ACAN: variants seen among roughly 807,000 people sequenced by gnomAD.
ACAN encodes aggrecan core protein.
A neutral mutation model predicts 169.1 loss-of-function variants in ACAN; 47 were observed. That is an observed-to-expected ratio of 0.28 (90% CI 0.22 to 0.35). The LOEUF is 0.35. ACAN is among the 10% of genes least tolerant of loss of function. The pLI, the probability that ACAN is intolerant of heterozygous loss-of-function variation, is 1.00. For missense variants in ACAN, 2,716 were observed against 2,759.9 expected (o/e 0.98, Z 0.36); for synonymous variants, 1,115 against 1,112.2 (o/e 1.00, Z -0.05).
At chr15:88,842,002 T>C (rs1449635844) in intron 5 of ACAN, 135 bp downstream of exon 5, 1 of 1,227,224 alleles carries the variant, frequency 8.1e-7, no homozygotes, top group Non-Finnish European at 1.1e-6. Flanking sequence ...TCCTCTGCCA[T>C]GAAGGGAGGT....
In ACAN at chr15:88,812,371, A is replaced by C. The variant is rs536488197; in HGVS notation, c.-8+8562A>C. Reference sequence around the variant, plus strand: ...ATGCACACAGCAATTGATCAAGGTTATTTGCATATTTCCTCTCAGCCCCCT... The same window carrying C: ...ATGCACACAGCAATTGATCAAGGTTCTTTGCATATTTCCTCTCAGCCCCCT... On this transcript the variant is annotated intron_variant, in intron 1 of 18. Coordinates refer to ENST00000560601, the MANE Select transcript of ACAN (RefSeq NM_001369268.1). Among the ~76,000 whole-genome samples the C allele has an allele frequency of 2.7e-4, 41 of 152,012 alleles. No individual in the cohort carries two copies. The South Asian group carries it at 8.3e-3, about 31-fold the overall frequency.
intron 1 of ACAN, among the ~76,000 whole-genome samples, chr15:88,826,528 T>G (rs1343661917): frequency 1.3e-5 from 2 of 151,906 alleles, no homozygotes; most frequent in East Asian, 3.9e-4. Context: ...CCCTGCCCTG[T>G]GGATGGAAGG....
At chr15:88,841,037 C>T (rs372248571) in intron 4 of ACAN, among the ~76,000 whole-genome samples, 2 of 152,236 alleles carry the variant, frequency 1.3e-5, no homozygotes, top group East Asian at 1.9e-4. Context: ...CCCAGCTACT[C>T]GGGAGGCTGA....
In ACAN at chr15:88,839,570, G is replaced by T. The variant is rs1288468165; in HGVS notation, c.455-442G>T. Among the ~76,000 whole-genome samples the T allele has an allele frequency of 6.6e-6, 1 of 152,222 alleles. No homozygotes were observed. Among genetic ancestry groups the T allele is most frequent in the Admixed American group, 6.5e-5 (1 of 15,286 alleles). ...GGTCAACACCAGATTTTTCCCAGGG[G>T]GAGGTACAGTGGGAGACTCTGTCAA... On this transcript the variant is annotated intron_variant, in intron 3 of 18. Transcript: ENST00000560601. This position sits in a 1 kb window ranked among gnomAD's most constrained non-coding sequence, Gnocchi z 4.5.
At chr15:88,822,504 T>C (rs1212787301) in intron 1 of ACAN, among the ~76,000 whole-genome samples, 1 of 151,998 alleles carries the variant, frequency 6.6e-6, no homozygotes, top group African/African-American at 2.4e-5. Context: ...TTCGCTCTTG[T>C]TGCCCAGGCT....
chr15:88,828,569 A>G (rs999850966), intron 1 of ACAN, among the ~76,000 whole-genome samples: 1 of 152,160 alleles, frequency 6.6e-6, no homozygotes, highest in Admixed American at 6.5e-5. Flanking sequence ...ACCTTCCCAG[A>G]GAATGTGCTC....
At position 88,860,392 on chromosome 15, in the gene ACAN, T is replaced by TCA; in HGVS notation, c.6900_6901dup (p.Ile2301ThrfsTer16). 2 of 1,613,648 alleles carry TCA rather than the reference T, an allele frequency of 1.2e-6. No individual in the cohort carries two copies. The highest frequency in any genetic ancestry group is 1.7e-6 in the Non-Finnish European group (2 of 1,179,814). On this transcript the variant is annotated frameshift_variant, in exon 13 of 19. Coordinates refer to ENST00000560601, the MANE Select transcript of ACAN (RefSeq NM_001369268.1). LOFTEE classifies it high-confidence loss of function. ...ACCTGCAAGGAGACAGAGGGACACG[T>TCA]CATATGCCTGTGCCCCCCTGGCTAC... is the stretch of plus-strand genomic sequence containing the variant.
intron 1 of ACAN, among the ~76,000 whole-genome samples, chr15:88,835,569 C>T (rs897785972): frequency 1.3e-5 from 2 of 152,130 alleles, no homozygotes; most frequent in Non-Finnish European, 2.9e-5. Context: ...AGGCTTGAGA[C>T]CTAAATGAAA....
chr15:88,811,900 TG>T, intron 1 of ACAN, among the ~76,000 whole-genome samples: 1 of 152,130 alleles, frequency 6.6e-6, no homozygotes, highest in Admixed American at 6.5e-5. Flanking sequence ...CCCAGCCAGG[TG>T]CTTTGTTCTC....
rs1292638907 is a variant in ACAN, at chr15:88,868,734, T to A, written c.7060+405T>A. Among the ~76,000 whole-genome samples the A allele has an allele frequency of 6.6e-6, 1 of 152,188 alleles. No homozygotes were observed. The highest frequency in any genetic ancestry group is 1.5e-5 in the Non-Finnish European group (1 of 68,044). On this transcript the variant is annotated intron_variant, in intron 14 of 18. Coordinates refer to ENST00000560601, the MANE Select transcript of ACAN (RefSeq NM_001369268.1). This position sits in a 1 kb window ranked among gnomAD's most constrained non-coding sequence, Gnocchi z 5.2. ...AGTGTGGTCATGGGCATGGGACCTT[T>A]GTGGTTCCTTCATGGCCCTGGGAGC...
intron 1 of ACAN, among the ~76,000 whole-genome samples, chr15:88,812,623 T>C (rs1895848677): frequency 6.6e-6 from 1 of 152,194 alleles, no homozygotes; most frequent in South Asian, 2.1e-4. Flanking sequence ...GGGCTTTGCA[T>C]GGCTGGTTCA....
chr15:88,830,326 C>A (rs74028469), intron 1 of ACAN, among the ~76,000 whole-genome samples: 2,383 of 152,292 alleles, frequency 0.016, 58 homozygotes, highest in African/African-American at 0.052. Flanking sequence ...TATAGTCATG[C>A]AACATTTAAC....
chr15:88,812,142 C>G lies in ACAN; in HGVS notation c.-8+8333C>G, dbSNP rs574575600. Among the ~76,000 whole-genome samples, 9 of 152,294 alleles carry G rather than the reference C, an allele frequency of 5.9e-5. No homozygotes were observed. The South Asian group carries it at 1.9e-3, about 32-fold the overall frequency. ...AGCCCTCGGGTTAGCGCCTCGGCCT[C>G]CTGCAGCCCCATCTAGGCCCTCCCC... On this transcript the variant is annotated intron_variant, in intron 1 of 18. Transcript: ENST00000560601.
At chr15:88,860,180 G>A (rs1897165383) in intron 12 of ACAN, 146 bp from the exon 13 acceptor site, 1 of 514,848 alleles carries the variant, frequency 1.9e-6, no homozygotes, top group Non-Finnish European at 3.4e-6. Context: ...CAGGTGCCCA[G>A]GAGGGACAGA....
intron 1 of ACAN, among the ~76,000 whole-genome samples, chr15:88,812,301 C>A (rs569306117): frequency 1.3e-5 from 2 of 152,266 alleles, no homozygotes; most frequent in East Asian, 1.9e-4. Flanking sequence ...ACTCCCACCC[C>A]CTCCTAAGTC....
At chr15:88,835,886 C>A (rs1197934484) in intron 1 of ACAN, among the ~76,000 whole-genome samples, 1 of 152,180 alleles carries the variant, frequency 6.6e-6, no homozygotes, top group Non-Finnish European at 1.5e-5. Flanking sequence ...TGTCTGGTTG[C>A]CCCGGCCCAG....
chr15:88,826,579 T>C lies in ACAN; in HGVS notation c.-7-9621T>C, dbSNP rs534155108. On this transcript the variant is annotated intron_variant, in intron 1 of 18. Coordinates refer to ENST00000560601, the MANE Select transcript of ACAN (RefSeq NM_001369268.1). ...GGAGTCCCACTTGGGAACCCCCTCC[T>C]CCAAAATGGACCCTGTGTTACTCAT... is the stretch of plus-strand genomic sequence containing the variant. Among the ~76,000 whole-genome samples the C allele has an allele frequency of 3.4e-4, 51 of 151,998 alleles. 1 individual carries two copies. In the South Asian group the frequency reaches 9.8e-3, roughly 29 times the overall value.
In ACAN at chr15:88,856,910, C is replaced by T. The variant is rs1387358007; in HGVS notation, c.4325C>T (p.Ala1442Val). The T allele has an allele frequency of 2.5e-6, 4 of 1,606,642 alleles. No homozygotes were observed. Among genetic ancestry groups the T allele is most frequent in the East Asian group, 2.2e-5 (1 of 44,638 alleles). Residue 1442 changes from alanine to valine, a missense_variant, in exon 12 of 19, where the codon GCC becomes GTC. Ala to Val is a moderately conservative substitution (Grantham distance 64). Coordinates refer to ENST00000560601, the MANE Select transcript of ACAN (RefSeq NM_001369268.1). ...TCTGGAGAAGTTCTAGAGACTACTG[C>T]CCCTGGAGTAGAGGAGATCAGCGGG... ...LPSGEVLETT[A>V]PGVEEISGLP...
rs1896178606 is a variant in ACAN, at chr15:88,825,051, C to T, written c.-7-11149C>T. Among the ~76,000 whole-genome samples, 6 of 152,132 alleles carry T rather than the reference C, an allele frequency of 3.9e-5. No homozygotes were observed. In the South Asian group the frequency reaches 1.2e-3, roughly 32 times the overall value. On this transcript the variant is annotated intron_variant, in intron 1 of 18. Coordinates refer to ENST00000560601, the MANE Select transcript of ACAN (RefSeq NM_001369268.1). Reference sequence around the variant, plus strand: ...GTGTGCTGGAAGAAGAAAGAGCAAGCACAAAACCCTTAGGACAAAATCAGC... The same window carrying T: ...GTGTGCTGGAAGAAGAAAGAGCAAGTACAAAACCCTTAGGACAAAATCAGC...
Sources: gnomAD v4.1 joint callset for allele counts (sites outside exome capture counted in the v4.1 genomes callset) on GRCh38, gnomAD v4.1.1 for gene constraint, Gnocchi (gnomAD v3.1) non-coding constraint, MANE v1.5 for transcripts, NCBI Gene and HGNC (gene_info 2026-07-23, HGNC 2026-07-21) for gene names.